PRKN: variants seen among roughly 807,000 people sequenced by gnomAD.
PRKN encodes the protein parkin RBR E3 ubiquitin protein ligase, also known as E3 ubiquitin-protein ligase parkin.
Under a neutral mutation model 59.5 loss-of-function variants are expected in PRKN, and 56 were observed. The observed-to-expected ratio is 0.94, with a 90% confidence interval of 0.76 to 1.18. The LOEUF (loss-of-function observed/expected upper bound fraction) is 1.18. Ranked by LOEUF, PRKN falls within the 50% of genes most tolerant of loss-of-function variation. The probability of loss-of-function intolerance (pLI) is 0.00; values close to 1 mark genes in which losing one functional copy is unlikely to be tolerated. For missense variants in PRKN, 657 were observed against 596.4 expected (o/e 1.10, Z -1.06); for synonymous variants, 250 against 222.1 (o/e 1.13, Z -1.12).
chr6:162,320,314 A>T (rs1469540632), intron 2 of PRKN, among the ~76,000 whole-genome samples: 1 of 140,400 alleles, frequency 7.1e-6, no homozygotes, highest in Non-Finnish European at 1.5e-5. Flanking sequence ...TCCTTTGGGT[A>T]GATACCCAGT....
chr6:161,369,415 C>T lies in PRKN; in HGVS notation c.1168-9210G>A, dbSNP rs141424458. ...CCTCTGGAGGGCGATTCTCCCTTTG[C>T]GCCTGAAGAGGAACATGGTGAGCTG... On this transcript the variant is annotated intron_variant, in intron 10 of 11. Coordinates refer to ENST00000366898, the MANE Select transcript of PRKN (RefSeq NM_004562.3). This position sits in a 1 kb window ranked among gnomAD's most constrained non-coding sequence, Gnocchi z 5.8. 3.9e-4 allele frequency among the ~76,000 whole-genome samples: 60 copies of T among 152,252 alleles called. 1 individual carries two copies. In the East Asian group the frequency reaches 5.2e-3, roughly 13 times the overall value.
At chr6:162,612,420 T>G (rs915229929) in intron 1 of PRKN, among the ~76,000 whole-genome samples, 2 of 151,074 alleles carry the variant, frequency 1.3e-5, no homozygotes, top group African/African-American at 4.9e-5. Context: ...CTGGGGAAAA[T>G]AGCTTTCTAG....
intron 1 of PRKN, among the ~76,000 whole-genome samples, chr6:162,681,943 T>C (rs1779787967): frequency 6.6e-6 from 1 of 152,132 alleles, no homozygotes; most frequent in African/African-American, 2.4e-5. Flanking sequence ...TTTTGTCCAA[T>C]TCTTTGCTCA....
At chr6:162,188,969 G>A (rs1299505990) in intron 4 of PRKN, among the ~76,000 whole-genome samples, 1 of 152,064 alleles carries the variant, frequency 6.6e-6, no homozygotes. Context: ...TCTTCTATAG[G>A]AGGGAATTGA....
rs77913165 is a variant in PRKN at position 162,281,978 on chromosome 6, A to G, written c.172-19213T>C. Among the ~76,000 whole-genome samples the G allele has an allele frequency of 8.5e-3, 1,292 of 152,270 alleles. 25 individuals are homozygous for G. The highest frequency in any genetic ancestry group is 0.063 in the South Asian group (303 of 4,832). Reference sequence around the variant, plus strand: ...GAAGCACACAGCCTAGATACCTCACACGTGCAGTTCACAATAGGGTTTGCA... The same window carrying G: ...GAAGCACACAGCCTAGATACCTCACGCGTGCAGTTCACAATAGGGTTTGCA... On this transcript the variant is annotated intron_variant, in intron 2 of 11. Transcript: ENST00000366898.
chr6:161,527,816 G>A lies in PRKN; in HGVS notation c.1083+21038C>T, dbSNP rs1411349144. 6.6e-6 allele frequency among the ~76,000 whole-genome samples: 1 copy of A among 152,170 alleles called. No homozygotes were observed. The highest frequency in any genetic ancestry group is 2.4e-5 in the African/African-American group (1 of 41,444). On this transcript the variant is annotated intron_variant, in intron 9 of 11. Coordinates refer to ENST00000366898, the MANE Select transcript of PRKN (RefSeq NM_004562.3). The surrounding 1 kb of genome is among the most constrained non-coding windows in gnomAD (Gnocchi z 4.6). ...GAGTCTCTTTTCTGACAGTGCCACT[G>A]AATCAGCTGTCTGAAGAACCCTTGC...
chr6:161,421,528 T>C (rs1341914089), intron 9 of PRKN, among the ~76,000 whole-genome samples: 2 of 152,208 alleles, frequency 1.3e-5, no homozygotes, highest in Admixed American at 1.3e-4. Context: ...TTGTATCTTC[T>C]GTAGTTACAG....
intron 7 of PRKN, among the ~76,000 whole-genome samples, chr6:161,664,838 G>C (rs1784670051): frequency 6.7e-6 from 1 of 149,478 alleles, no homozygotes; most frequent in Non-Finnish European, 1.5e-5. Flanking sequence ...ACCCAGGCTG[G>C]AGTGTAGTGG....
intron 10 of PRKN, among the ~76,000 whole-genome samples, chr6:161,364,252 A>G (rs1317917869): frequency 6.6e-6 from 1 of 151,290 alleles, no homozygotes; most frequent in Non-Finnish European, 1.5e-5. Context: ...CCAAGTCAGG[A>G]GTTTGAGACC....
chr6:162,323,531 T>C (rs967384664), intron 2 of PRKN, among the ~76,000 whole-genome samples: 2 of 151,990 alleles, frequency 1.3e-5, no homozygotes, highest in African/African-American at 2.4e-5. Context: ...ATCTAGGATA[T>C]ATATAAAAAT....
At chr6:161,408,535 T>A (rs938158235) in intron 9 of PRKN, among the ~76,000 whole-genome samples, 6 of 151,696 alleles carry the variant, frequency 4.0e-5, no homozygotes, top group African/African-American at 1.5e-4. Flanking sequence ...GAGTATGTAT[T>A]ACTTTTGTAA....
Position 162,445,778 on chromosome 6 carries a change from A to G in PRKN, c.8-2305T>C, listed in dbSNP as rs551630150. On this transcript the variant is annotated intron_variant, in intron 1 of 11. Coordinates refer to ENST00000366898, the MANE Select transcript of PRKN (RefSeq NM_004562.3). Reference sequence around the variant, plus strand: ...AAAAAGATAACAATAAAAAGGCTTTATGACATAAATCAGATATTCCCTATA... The same window carrying G: ...AAAAAGATAACAATAAAAAGGCTTTGTGACATAAATCAGATATTCCCTATA... Among the ~76,000 whole-genome samples the G allele has an allele frequency of 2.0e-5, 3 of 147,518 alleles. No individual in the cohort carries two copies. In the East Asian group the frequency reaches 6.2e-4, roughly 30 times the overall value.
chr6:161,579,285 G>T lies in PRKN; in HGVS notation c.872-9869C>A, dbSNP rs1359022959. Among the ~76,000 whole-genome samples, 1 of 152,198 alleles carries T rather than the reference G, an allele frequency of 6.6e-6. No individual in the cohort carries two copies. Among genetic ancestry groups the T allele is most frequent in the Non-Finnish European group, 1.5e-5 (1 of 68,042 alleles). ...AATCTGTGGGACTGTCATCCCCCAA[G>T]TGGGTGTAACCAAAAAGGGCACTTA... On this transcript the variant is annotated intron_variant, in intron 7 of 11. Transcript: ENST00000366898. The surrounding 1 kb of genome is among the most constrained non-coding windows in gnomAD (Gnocchi z 4.2).
rs551964744 is a variant in PRKN at position 162,343,329 on chromosome 6, T to C, written c.172-80564A>G. Among the ~76,000 whole-genome samples the C allele has an allele frequency of 2.0e-5, 3 of 152,284 alleles. No homozygotes were observed. The South Asian group carries it at 6.2e-4, about 32-fold the overall frequency. On this transcript the variant is annotated intron_variant, in intron 2 of 11. Transcript: ENST00000366898. ...GCTAGGTTCTAGACGCACCTCACAT[T>C]CTCCACCCCTTTCTGGCTTTGCAGA...
At chr6:162,077,786 GA>G (rs1778890051) in intron 4 of PRKN, among the ~76,000 whole-genome samples, 1 of 151,942 alleles carries the variant, frequency 6.6e-6, no homozygotes, top group Admixed American at 6.6e-5. Flanking sequence ...GATCACCTGA[GA>G]TCAGAAGTTC....
intron 4 of PRKN, among the ~76,000 whole-genome samples, chr6:162,181,869 T>A (rs968475811): frequency 6.6e-6 from 1 of 152,136 alleles, no homozygotes; most frequent in Non-Finnish European, 1.5e-5. Flanking sequence ...TTCTGAAAGG[T>A]TAAGGATCTT....
At chr6:162,474,747 A>G (rs1394816797) in intron 1 of PRKN, among the ~76,000 whole-genome samples, 3 of 152,172 alleles carry the variant, frequency 2.0e-5, no homozygotes, top group Non-Finnish European at 4.4e-5. Flanking sequence ...TGATCTGTAG[A>G]TAAGAGACTC....
chr6:162,180,428 T>C (rs906268806), intron 4 of PRKN, among the ~76,000 whole-genome samples: 1 of 150,656 alleles, frequency 6.6e-6, no homozygotes, highest in Non-Finnish European at 1.5e-5. Flanking sequence ...ACCTCCTATG[T>C]ACCCACAAAA....
intron 1 of PRKN, among the ~76,000 whole-genome samples, chr6:162,654,716 A>C (rs1296617880): frequency 6.6e-6 from 1 of 152,176 alleles, no homozygotes; most frequent in Non-Finnish European, 1.5e-5. Flanking sequence ...TTATTAATGA[A>C]AGATGTTTGA....
Sources: gnomAD v4.1 joint callset for allele counts (sites outside exome capture counted in the v4.1 genomes callset) on GRCh38, gnomAD v4.1.1 for gene constraint, Gnocchi (gnomAD v3.1) non-coding constraint, MANE v1.5 for transcripts, NCBI Gene and HGNC (gene_info 2026-07-23, HGNC 2026-07-21) for gene names.